FSTL5: variants seen among roughly 807,000 people sequenced by gnomAD.
The protein encoded by FSTL5 is follistatin-related protein 5.
FSTL5 carries 62 observed loss-of-function variants against 89.1 expected under a neutral mutation model. The ratio of observed to expected loss-of-function variants is 0.70; its 90% CI spans 0.57 to 0.86. FSTL5 has a LOEUF of 0.86. FSTL5 is among the 40% of genes least tolerant of loss of function. The pLI is 0.00. For synonymous variants in FSTL5, 383 were observed against 346.2 expected, an observed-to-expected ratio of 1.11 and a Z score of -1.18; for missense variants, 1,057 against 1,001.6, an observed-to-expected ratio of 1.06 and a Z score of -0.75.
At chr4:162,069,294 T>C (rs1729496437) in intron 2 of FSTL5, among the ~76,000 whole-genome samples, 1 of 152,062 alleles carries the variant, frequency 6.6e-6, no homozygotes, top group South Asian at 2.1e-4. Context: ...TTATTGGGTA[T>C]AGAGTGATAG....
intron 6 of FSTL5, among the ~76,000 whole-genome samples, chr4:161,714,596 C>T (rs1313261452): frequency 1.3e-5 from 2 of 152,174 alleles, no homozygotes; most frequent in Non-Finnish European, 2.9e-5. Flanking sequence ...TCCTTGCTTC[C>T]TACTTTCAGT....
chr4:161,902,572 G>A (rs1374572302), intron 4 of FSTL5, among the ~76,000 whole-genome samples: 1 of 152,150 alleles, frequency 6.6e-6, no homozygotes, highest in Non-Finnish European at 1.5e-5. Flanking sequence ...TTTCCACCGG[G>A]CACGGTGGCT....
At chr4:161,544,276 G>C (rs1174117937) in intron 8 of FSTL5, among the ~76,000 whole-genome samples, 1 of 151,938 alleles carries the variant, frequency 6.6e-6, no homozygotes, top group African/African-American at 2.4e-5. Flanking sequence ...GGAGAAACTG[G>C]AACTCTTGCA....
intron 8 of FSTL5, among the ~76,000 whole-genome samples, chr4:161,583,045 TA>T (rs1733489952): frequency 6.6e-6 from 1 of 151,326 alleles, no homozygotes; most frequent in Non-Finnish European, 1.5e-5. Flanking sequence ...TAAAATAAAA[TA>T]AAAAAAGTAG....
chr4:161,817,440 T>C (rs1272907780), intron 4 of FSTL5, among the ~76,000 whole-genome samples: 2 of 152,318 alleles, frequency 1.3e-5, no homozygotes, highest in East Asian at 3.9e-4. Flanking sequence ...ATTCTCAATA[T>C]ACTGGTGGAG....
At chr4:161,928,655 C>T (rs1734195541) in intron 3 of FSTL5, among the ~76,000 whole-genome samples, 1 of 151,686 alleles carries the variant, frequency 6.6e-6, no homozygotes, top group Non-Finnish European at 1.5e-5. Flanking sequence ...TTTGCAATTC[C>T]ATAATCATAA....
chr4:161,599,534 T>G (rs1734152352), intron 7 of FSTL5, among the ~76,000 whole-genome samples: 1 of 150,826 alleles, frequency 6.6e-6, no homozygotes, highest in African/African-American at 2.5e-5. Flanking sequence ...TCATGGTGAA[T>G]AATTAAACAC....
rs1394601640 is a variant in FSTL5 at position 161,920,575 on chromosome 4, T to C, written c.238A>G (p.Arg80Gly). The C allele has an allele frequency of 1.2e-6, 2 of 1,613,888 alleles. No individual in the cohort carries two copies. The highest frequency in any genetic ancestry group is 1.7e-6 in the Non-Finnish European group (2 of 1,179,964). The change falls in exon 4 of 16, where the codon AGA becomes GGA. Residue 80 changes from arginine (R) to glycine (G), a missense_variant. Coordinates refer to ENST00000306100, the MANE Select transcript of FSTL5 (RefSeq NM_020116.5). ...CGLGRHCVTSRETGQAECACM... is the reference protein window; with the variant it reads ...CGLGRHCVTSGETGQAECACM... Reference sequence around the variant, plus strand: ...GCACATTCTGCTTGCCCTGTCTCTCTGCTGGTAACACAGTGTCTTCCCAAA... The same window carrying C: ...GCACATTCTGCTTGCCCTGTCTCTCCGCTGGTAACACAGTGTCTTCCCAAA...
chr4:162,090,422 GAAAATGACATTAATAGACATTTCTCAAA>G (rs1488196725), intron 2 of FSTL5, among the ~76,000 whole-genome samples: 1 of 151,990 alleles, frequency 6.6e-6, no homozygotes, highest in Non-Finnish European at 1.5e-5. Context: ...TAAAAAGCAG[GAAAATGACATTAATAGACATTTCTCAAA>G]AAAAGACGTG....
intron 6 of FSTL5, among the ~76,000 whole-genome samples, chr4:161,677,927 G>A (rs183293748): frequency 6.6e-6 from 1 of 151,482 alleles, no homozygotes; most frequent in Non-Finnish European, 1.5e-5. Context: ...TGTATACATA[G>A]TCTAAATATT....
intron 1 of FSTL5, among the ~76,000 whole-genome samples, chr4:162,138,435 C>T (rs565572665): frequency 7.0e-4 from 107 of 151,960 alleles, no homozygotes; most frequent in Non-Finnish European, 1.2e-3. Context: ...TTAAAGTCAA[C>T]GTATGATAAA....
At chr4:161,623,871 T>C (rs756673714) in intron 7 of FSTL5, among the ~76,000 whole-genome samples, 2 of 152,018 alleles carry the variant, frequency 1.3e-5, no homozygotes, top group Non-Finnish European at 2.9e-5. Context: ...ATACTTGAAA[T>C]ATTTGACATA....
At chr4:161,881,513 G>A (rs1045826641) in intron 4 of FSTL5, among the ~76,000 whole-genome samples, 7 of 151,920 alleles carry the variant, frequency 4.6e-5, no homozygotes, top group Non-Finnish European at 8.8e-5. Context: ...TTAAGTTCTC[G>A]AAATCATGGT....
intron 7 of FSTL5, among the ~76,000 whole-genome samples, chr4:161,628,385 A>G (rs1360357110): frequency 6.6e-6 from 1 of 152,178 alleles, no homozygotes; most frequent in Non-Finnish European, 1.5e-5. Flanking sequence ...ATTAGTCTAA[A>G]GGTCTTAGAT....
chr4:162,116,023 G>A (rs1731623425), intron 1 of FSTL5, among the ~76,000 whole-genome samples: 1 of 151,384 alleles, frequency 6.6e-6, no homozygotes, highest in Admixed American at 6.6e-5. Flanking sequence ...AAAGAGTGTC[G>A]AGATGAAGCA....
Position 161,574,984 on chromosome 4 carries a change from T to A in FSTL5, c.1015+12471A>T, listed in dbSNP as rs1024154980. Among the ~76,000 whole-genome samples, 3 of 152,236 alleles carry A rather than the reference T, an allele frequency of 2.0e-5. No individual in the cohort carries two copies. In the East Asian group the frequency reaches 5.8e-4, roughly 29 times the overall value. ...CTACCAACGTGTAAAAGCATTTCTA[T>A]TTCTCCACAGCCTTGCCAGCATCTG... On this transcript the variant is annotated intron_variant, in intron 8 of 15. Coordinates refer to ENST00000306100, the MANE Select transcript of FSTL5 (RefSeq NM_020116.5).
At chr4:161,478,958 A>G (rs1729403646) in intron 13 of FSTL5, among the ~76,000 whole-genome samples, 1 of 152,138 alleles carries the variant, frequency 6.6e-6, no homozygotes, top group African/African-American at 2.4e-5. Context: ...TATCATACAT[A>G]TCCATTTATG....
intron 4 of FSTL5, among the ~76,000 whole-genome samples, chr4:161,835,713 T>A (rs914766325): frequency 3.9e-5 from 6 of 152,212 alleles, no homozygotes; most frequent in African/African-American, 1.4e-4. Context: ...ATGCTCATCA[T>A]CACTGGCTAT....
chr4:161,987,094 C>T (rs980523719), intron 3 of FSTL5, among the ~76,000 whole-genome samples: 5 of 152,154 alleles, frequency 3.3e-5, no homozygotes, highest in Admixed American at 1.3e-4. Context: ...CCCTGCATTT[C>T]CCCTTCCTGT....
Sources: allele counts gnomAD v4.1 joint callset (sites outside exome capture counted in the v4.1 genomes callset), GRCh38; gene constraint gnomAD v4.1.1; transcripts MANE v1.5; gene names NCBI Gene and HGNC (gene_info 2026-07-23, HGNC 2026-07-21).